Variants in TAS1R3 observed in about 807,000 individuals in gnomAD.
The protein encoded by TAS1R3 is taste 1 receptor member 3.
TAS1R3 carries 58 observed loss-of-function variants against 46.1 expected under a neutral mutation model. That is an observed-to-expected ratio of 1.26 (90% CI 1.02 to 1.57). The LOEUF (loss-of-function observed/expected upper bound fraction) is 1.57, where lower values mean the gene tolerates loss of function less well. Ranked by LOEUF, TAS1R3 falls within the 40% of genes most tolerant of loss-of-function variation. TAS1R3 has a pLI of 0.00. For missense variants in TAS1R3, 1,422 were observed against 1,185.8 expected, an observed-to-expected ratio of 1.20 and a Z score of -2.93; for synonymous variants, 724 against 544.7, an observed-to-expected ratio of 1.33 and a Z score of -4.58.
Position 1,333,329 on chromosome 1 carries a change from G to C in TAS1R3, c.1550G>C (p.Cys517Ser). The change falls in exon 5 of 6, where the codon TGC (cysteine) becomes TCC (serine). Residue 517 changes from cysteine (C) to serine (S), a missense_variant. Cys to Ser is a moderately radical substitution (Grantham distance 112). Coordinates refer to ENST00000339381, the MANE Select transcript of TAS1R3 (RefSeq NM_152228.3). ...CGCCGGGTCAAGGGGTTCCACTCCTGCTGCTACGACTGTGTGGACTGCGAG... is the reference window on the plus strand; with the variant it reads ...CGCCGGGTCAAGGGGTTCCACTCCTCCTGCTACGACTGTGTGGACTGCGAG... ...QVRRVKGFHS[C>S]CYDCVDCEAG... is the part of the protein sequence containing the mutation. The C allele has an allele frequency of 6.2e-7, 1 of 1,606,976 alleles. No homozygotes were observed. Among genetic ancestry groups the C allele is most frequent in the Non-Finnish European group, 8.5e-7 (1 of 1,177,470 alleles).
chr1:1,334,024 G>A lies in TAS1R3; in HGVS notation c.2119G>A (p.Val707Met), dbSNP rs1253926532. 6.2e-7 allele frequency: 1 copy of A among 1,601,516 alleles called. No individual in the cohort carries two copies. The highest frequency in any genetic ancestry group is 8.5e-7 in the Non-Finnish European group (1 of 1,179,684). The change falls in exon 6 of 6, where the codon GTG becomes ATG. Residue 707 changes from valine (V) to methionine (M), a missense_variant. Coordinates refer to ENST00000339381, the MANE Select transcript of TAS1R3 (RefSeq NM_152228.3). ...GTACCTGGTGGCCTTCCCGCCGGAG[G>A]TGGTGACGGACTGGCACATGCTGCC... ...TWYLVAFPPEVVTDWHMLPTE... is the reference protein window; with the variant it reads ...TWYLVAFPPEMVTDWHMLPTE...
chr1:1,333,906 C>T lies in TAS1R3; in HGVS notation c.2001C>T (p.Ser667=), dbSNP rs1643492919. 1 of 1,600,984 alleles carries T rather than the reference C, an allele frequency of 6.2e-7. No homozygotes were observed. Among genetic ancestry groups the T allele is most frequent in the Non-Finnish European group, 8.5e-7 (1 of 1,179,830 alleles). Residue 667 remains serine (S), a synonymous_variant, in exon 6 of 6, where the codon AGC becomes AGT. Coordinates refer to ENST00000339381, the MANE Select transcript of TAS1R3 (RefSeq NM_152228.3). ...EIFVESELPL[S]WADRLSGCLR... Reference sequence around the variant, plus strand: ...TCGTGGAGTCAGAACTGCCTCTGAGCTGGGCAGACCGGCTGAGTGGCTGCC... The same window carrying T: ...TCGTGGAGTCAGAACTGCCTCTGAGTTGGGCAGACCGGCTGAGTGGCTGCC...
Position 1,333,801 on chromosome 1 carries a change from A to G in TAS1R3, c.1896A>G (p.Arg632=), listed in dbSNP as rs751228578. 6.3e-7 allele frequency: 1 copy of G among 1,596,234 alleles called. No individual in the cohort carries two copies. The highest frequency in any genetic ancestry group is 1.3e-5 in the African/African-American group (1 of 74,894). ...TCCCTGGCCAGCCCAGCCCTGCCCG[A>G]TGCCTGGCCCAGCAGCCCTTGTCCC... is the stretch of plus-strand genomic sequence containing the variant. The part of the protein sequence containing the change: ...LLFPGQPSPA[R]CLAQQPLSHL... Residue 632 remains arginine (R), a synonymous_variant, in exon 6 of 6, where the codon CGA becomes CGG. Coordinates refer to ENST00000339381, the MANE Select transcript of TAS1R3 (RefSeq NM_152228.3).
At position 1,334,456 on chromosome 1, in the gene TAS1R3, C is replaced by A; in HGVS notation, c.2551C>A (p.His851Asn). The A allele has an allele frequency of 6.4e-7, 1 of 1,561,992 alleles. No individual in the cohort carries two copies. The change falls in exon 6 of 6, where the codon CAT (histidine) becomes AAT (asparagine). Residue 851 changes from histidine (H) to asparagine (N), a missense_variant. Transcript: ENST00000339381. ...CGGGAACACAGGAAATCAGGGGAAA[C>A]ATGAGTGACCCAACCCTGTGATCTC... The part of the protein sequence containing the change: ...NDGNTGNQGK[H>N]E
At chr1:1,331,584 G>A (rs753942537) in intron 1 of TAS1R3, 48 bp downstream of exon 1, 1 of 1,603,856 alleles carries the variant, frequency 6.2e-7, no homozygotes, top group Non-Finnish European at 8.5e-7. Context: ...ACCAGGTCTG[G>A]GGTGCTCCTG....
Position 1,332,303 on chromosome 1 carries a change from G to A in TAS1R3, c.772G>A (p.Asp258Asn), listed in dbSNP as rs1195972887. Residue 258 changes from aspartate (D) to asparagine (N), a missense_variant, in exon 3 of 6, where the codon GAC becomes AAC. By Grantham distance (23) the Asp-to-Asn change is conservative (BLOSUM62 1). Transcript: ENST00000339381. ...TGACTCGCGGCTGGGGAAGGTGCAG[G>A]ACGTCCTGCACCAGGTGAACCAGAG... is the stretch of plus-strand genomic sequence containing the variant. ...ADDSRLGKVQ[D>N]VLHQVNQSSV... 6.2e-7 allele frequency: 1 copy of A among 1,606,186 alleles called. No individual in the cohort carries two copies. Among genetic ancestry groups the A allele is most frequent in the Non-Finnish European group, 8.5e-7 (1 of 1,178,960 alleles).
At position 1,333,624 on chromosome 1, in the gene TAS1R3, CCTGCTG is replaced by C; in HGVS notation, c.1723_1728del (p.Leu575_Leu576del). 4 of 1,611,066 alleles carry C rather than the reference CCTGCTG, an allele frequency of 2.5e-6. No individual in the cohort carries two copies. Among genetic ancestry groups the C allele is most frequent in the Non-Finnish European group, 3.4e-6 (4 of 1,179,776 alleles). On this transcript the variant is annotated inframe_deletion, in exon 6 of 6. Transcript: ENST00000339381. ...GCGAGCCGGCTGTGCTGCTGCTGCTCCTGCTGCTGAGCCTGGCGCTGGGCCTTGTGC... is the reference window on the plus strand; with the variant it reads ...GCGAGCCGGCTGTGCTGCTGCTGCTCCTGAGCCTGGCGCTGGGCCTTGTGC...
At position 1,332,443 on chromosome 1, in the gene TAS1R3, G is replaced by T. The variant is rs1283949546; in HGVS notation, c.912G>T (p.Leu304=). The T allele has an allele frequency of 6.2e-7, 1 of 1,608,500 alleles. No homozygotes were observed. Among genetic ancestry groups the T allele is most frequent in the Admixed American group, 1.7e-5 (1 of 59,754 alleles). ...TGTGGGTGGCCAGCGAGGCCTGGCT[G>T]ACCTCTGACCTGGTCATGGGGCTGC... ...PKVWVASEAW[L]TSDLVMGLPG... is the part of the protein sequence containing the mutation. Residue 304 remains leucine (L), a synonymous_variant, in exon 3 of 6, where the codon CTG becomes CTT. Coordinates refer to ENST00000339381, the MANE Select transcript of TAS1R3 (RefSeq NM_152228.3).
Position 1,332,701 on chromosome 1 carries a change from G to T in TAS1R3, c.1170G>T (p.Thr390=), listed in dbSNP as rs760450938. 1 of 1,604,382 alleles carries T rather than the reference G, an allele frequency of 6.2e-7. No homozygotes were observed. Among genetic ancestry groups the T allele is most frequent in the Non-Finnish European group, 8.5e-7 (1 of 1,179,760 alleles). Residue 390 remains threonine (T), a synonymous_variant, in exon 3 of 6, where the codon ACG becomes ACT. Coordinates refer to ENST00000339381, the MANE Select transcript of TAS1R3 (RefSeq NM_152228.3). The part of the protein sequence containing the change: ...NVSAGLNHHQ[T]FSVYAAVYSV... The stretch of plus-strand genomic sequence containing the variant: ...GCGCAGGGCTAAATCACCACCAGAC[G>T]TTCTCTGTCTACGCAGCTGTGTATA...
chr1:1,332,912 C>G lies in TAS1R3; in HGVS notation c.1276-9C>G. 1 of 1,600,354 alleles carries G rather than the reference C, an allele frequency of 6.2e-7. No homozygotes were observed. The highest frequency in any genetic ancestry group is 1.7e-5 in the Admixed American group (1 of 59,496). On this transcript the variant is annotated splice_polypyrimidine_tract_variant and intron_variant, in intron 3 of 5. Transcript: ENST00000339381. ...TGGCTGGCGGCTCAGCCCCGTCCCCCGCCCGCAGCTCCTGGAGAACATGTA... is the reference window on the plus strand; with the variant it reads ...TGGCTGGCGGCTCAGCCCCGTCCCCGGCCCGCAGCTCCTGGAGAACATGTA...
In TAS1R3 at chr1:1,334,460, A is replaced by C; in HGVS notation, c.2555A>C (p.Glu852Ala). ...DGNTGNQGKH[E>A] ...AACACAGGAAATCAGGGGAAACATGAGTGACCCAACCCTGTGATCTCAGCC... is the reference window on the plus strand; with the variant it reads ...AACACAGGAAATCAGGGGAAACATGCGTGACCCAACCCTGTGATCTCAGCC... The change falls in exon 6 of 6, where the codon GAG (glutamate) becomes GCG (alanine). Residue 852 changes from glutamate to alanine, a missense_variant. Coordinates refer to ENST00000339381, the MANE Select transcript of TAS1R3 (RefSeq NM_152228.3). 1 of 1,558,450 alleles carries C rather than the reference A, an allele frequency of 6.4e-7. No homozygotes were observed. Among genetic ancestry groups the C allele is most frequent in the East Asian group, 2.3e-5 (1 of 43,718 alleles).
Position 1,334,559 on chromosome 1 carries a change from G to A in TAS1R3, c.*95G>A, listed in dbSNP as rs1040109816. 2.3e-5 allele frequency: 31 copies of A among 1,356,456 alleles called. No individual in the cohort carries two copies. Among genetic ancestry groups the A allele is most frequent in the Admixed American group, 1.9e-4 (7 of 36,032 alleles). The allele number at this position is 1,356,456 out of a possible 1,614,324, so 84.0% of individuals were successfully genotyped here. A position where few individuals can be genotyped will look rare whatever the true frequency, so the allele number is the denominator to read the frequency against. On this transcript the variant is annotated 3_prime_UTR_variant, in exon 6 of 6. Transcript: ENST00000339381. ...CGTGTCTCGCTACAGAGACCCTCCC[G>A]CTCTAGGTTCTGACCCCAGGTTGTC...
At position 1,333,045 on chromosome 1, in the gene TAS1R3, G is replaced by A; in HGVS notation, c.1400G>A (p.Arg467Lys). 6.2e-7 allele frequency: 1 copy of A among 1,612,756 alleles called. No homozygotes were observed. The highest frequency in any genetic ancestry group is 8.5e-7 in the Non-Finnish European group (1 of 1,179,932). ...TGGGTGTGGCAGGGCTCAGTGCCCA[G>A]GCTCCACGACGTGGGCAGGTTCAAC... is the stretch of plus-strand genomic sequence containing the variant. ...KLWVWQGSVP[R>K]LHDVGRFNGS... is the part of the protein sequence containing the mutation. Residue 467 changes from arginine (R) to lysine (K), a missense_variant, in exon 4 of 6, where the codon AGG becomes AAG. Coordinates refer to ENST00000339381, the MANE Select transcript of TAS1R3 (RefSeq NM_152228.3).
rs768155259 is a variant in TAS1R3 at position 1,334,169 on chromosome 1, C to T, written c.2264C>T (p.Pro755Leu). Residue 755 changes from proline (P) to leucine (L), a missense_variant, in exon 6 of 6, where the codon CCG becomes CTG. Coordinates refer to ENST00000339381, the MANE Select transcript of TAS1R3 (RefSeq NM_152228.3). The part of the protein sequence containing the change: ...FLGTFLVRSQ[P>L]GCYNRARGLT... ...GGCACTTTCCTGGTGCGGAGCCAGC[C>T]GGGCTGCTACAACCGTGCCCGTGGC... The T allele has an allele frequency of 1.1e-5, 17 of 1,590,906 alleles. No homozygotes were observed. The highest frequency in any genetic ancestry group is 6.7e-5 in the African/African-American group (5 of 74,518).
rs927371534 is a variant in TAS1R3, at chr1:1,331,744, T to C, written c.298T>C (p.Phe100Leu). Residue 100 changes from phenylalanine (F) to leucine (L), a missense_variant, in exon 2 of 6, where the codon TTT (phenylalanine) becomes CTT (leucine). Phe to Leu is a conservative substitution (Grantham distance 22, BLOSUM62 0). Coordinates refer to ENST00000339381, the MANE Select transcript of TAS1R3 (RefSeq NM_152228.3). ...LPGLRLGYDLFDTCSEPVVAM... is the reference protein window; with the variant it reads ...LPGLRLGYDLLDTCSEPVVAM... ...CGGGCTGCGCCTGGGCTACGACCTCTTTGATACGTGCTCGGAGCCTGTGGT... is the reference window on the plus strand; with the variant it reads ...CGGGCTGCGCCTGGGCTACGACCTCCTTGATACGTGCTCGGAGCCTGTGGT... 1.9e-6 allele frequency: 3 copies of C among 1,612,854 alleles called. No individual in the cohort carries two copies. Among genetic ancestry groups the C allele is most frequent in the Non-Finnish European group, 2.5e-6 (3 of 1,180,032 alleles).
Position 1,332,512 on chromosome 1 carries a change from G to T in TAS1R3, c.981G>T (p.Arg327Ser). 1 of 1,611,340 alleles carries T rather than the reference G, an allele frequency of 6.2e-7. No homozygotes were observed. The highest frequency in any genetic ancestry group is 2.2e-5 in the East Asian group (1 of 44,874). The change falls in exon 3 of 6, where the codon AGG becomes AGT. Residue 327 changes from arginine to serine, a missense_variant. By Grantham distance (110) the Arg-to-Ser change is moderately radical. Transcript: ENST00000339381. ...GCACGGTGCTTGGCTTCCTCCAGAG[G>T]GGTGCCCAGCTGCACGAGTTCCCCC... ...QMGTVLGFLQRGAQLHEFPQY... is the reference protein window; with the variant it reads ...QMGTVLGFLQSGAQLHEFPQY...
chr1:1,332,812 C>A lies in TAS1R3; in HGVS notation c.1275+6C>A, dbSNP rs1409645949. ...ACCCCGTGAAGCCCTGGCAGGTGAGCCCGGGAGATGGGGGTGTGCTGTCCT... is the reference window on the plus strand; with the variant it reads ...ACCCCGTGAAGCCCTGGCAGGTGAGACCGGGAGATGGGGGTGTGCTGTCCT... On this transcript the variant is annotated splice_donor_region_variant and intron_variant, in intron 3 of 5. Transcript: ENST00000339381. The A allele has an allele frequency of 6.2e-7, 1 of 1,601,124 alleles. No homozygotes were observed. Among genetic ancestry groups the A allele is most frequent in the African/African-American group, 1.3e-5 (1 of 74,940 alleles).
In TAS1R3 at chr1:1,332,957, G is replaced by T; in HGVS notation, c.1312G>T (p.Gly438Cys). 1 of 1,612,030 alleles carries T rather than the reference G, an allele frequency of 6.2e-7. No homozygotes were observed. The highest frequency in any genetic ancestry group is 8.5e-7 in the Non-Finnish European group (1 of 1,179,378). Residue 438 changes from glycine (G) to cysteine (C), a missense_variant, in exon 4 of 6, where the codon GGC becomes TGC. Gly to Cys is a radical substitution (Grantham distance 159). Coordinates refer to ENST00000339381, the MANE Select transcript of TAS1R3 (RefSeq NM_152228.3). ...CATGTACAACCTGACCTTCCACGTG[G>T]GCGGGCTGCCGCTGCGGTTCGACAG... ...ENMYNLTFHV[G>C]GLPLRFDSSG...
At position 1,333,560 on chromosome 1, in the gene TAS1R3, C is replaced by A; in HGVS notation, c.1655C>A (p.Thr552Lys). 6.2e-7 allele frequency: 1 copy of A among 1,604,972 alleles called. No homozygotes were observed. The highest frequency in any genetic ancestry group is 8.5e-7 in the Non-Finnish European group (1 of 1,179,890). ...GQDEWSPERS[T>K]RCFRRRSRFL... ...GATGAGTGGTCCCCGGAGCGAAGCA[C>A]ACGCTGCTTCCGCCGCAGGTCTCGG... Residue 552 changes from threonine to lysine, a missense_variant, in exon 6 of 6, where the codon ACA becomes AAA. Transcript: ENST00000339381.
Sources: allele counts gnomAD v4.1 joint callset, GRCh38; gene constraint gnomAD v4.1.1; transcripts MANE v1.5; gene names NCBI Gene and HGNC (gene_info 2026-07-23, HGNC 2026-07-21).